Variants in WDR3 observed in about 807,000 individuals in gnomAD.
WDR3 encodes WD repeat domain 3, also known as WD repeat-containing protein 3.
A neutral mutation model predicts 123.7 loss-of-function variants in WDR3; 81 were observed. The observed-to-expected ratio is 0.65, with a 90% confidence interval of 0.55 to 0.79. The LOEUF is 0.79. Among genes scored for constraint, WDR3 ranks in the 30% least tolerant of loss-of-function variants. The pLI is 0.00. For missense variants in WDR3, 1,027 were observed against 1,123.2 expected (o/e 0.91, Z 1.22); for synonymous variants, 390 against 388.8 (o/e 1.00, Z -0.04).
At chr1:117,948,719 G>T (rs1456822524) in intron 13 of WDR3, among the ~76,000 whole-genome samples, 3 of 151,372 alleles carry the variant, frequency 2.0e-5, no homozygotes, top group African/African-American at 7.3e-5. Context: ...ACATCAAATT[G>T]CTTACCATCA....
At position 117,934,501 on chromosome 1, in the gene WDR3, A is replaced by G. The variant is rs749243439; in HGVS notation, c.200A>G (p.Glu67Gly). 1 of 1,614,122 alleles carries G rather than the reference A, an allele frequency of 6.2e-7. No homozygotes were observed. ...KILILQGLKQ[E>G]VTCLCPSPDG... ...CTTATCCTTCAGGGGCTTAAACAAG[A>G]AGTTACTTGCTTATGCCCCTCCCCA... Residue 67 changes from glutamate (E) to glycine (G), a missense_variant, in exon 3 of 27, where the codon GAA (glutamate) becomes GGA (glycine). Coordinates refer to ENST00000349139, the MANE Select transcript of WDR3 (RefSeq NM_006784.3).
At chr1:117,955,398 CA>C in intron 24 of WDR3, 40 bp downstream of exon 24, 2 of 1,592,024 alleles carry the variant, frequency 1.3e-6, no homozygotes, top group Non-Finnish European at 1.7e-6. Flanking sequence ...AATCTGTCAG[CA>C]AACATTTATG....
intron 24 of WDR3, among the ~76,000 whole-genome samples, chr1:117,956,791 A>G (rs1456966452): frequency 6.6e-6 from 1 of 152,230 alleles, no homozygotes; most frequent in Non-Finnish European, 1.5e-5. Flanking sequence ...AAGATGGAAT[A>G]TTCAACAAAA....
In WDR3 at chr1:117,958,978, C is replaced by T. The variant is rs1367330309; in HGVS notation, c.2651C>T (p.Thr884Ile). 15 of 1,613,830 alleles carry T rather than the reference C, an allele frequency of 9.3e-6. No homozygotes were observed. Among genetic ancestry groups the T allele is most frequent in the Non-Finnish European group, 1.3e-5 (15 of 1,179,880 alleles). Residue 884 changes from threonine to isoleucine, a missense_variant, in exon 26 of 27, where the codon ACT becomes ATT. Transcript: ENST00000349139. ...GTGATAGAAAAATTAAGGGAAACAA[C>T]TATTTCAAAAGTCAGCCAAGTCCGG... ...VPVIEKLRETTISKVSQVRDV... is the reference protein window; with the variant it reads ...VPVIEKLRETIISKVSQVRDV...
At chr1:117,936,971 G>C in intron 4 of WDR3, 84 bp downstream of exon 4, 3 of 1,124,240 alleles carry the variant, frequency 2.7e-6, no homozygotes, top group Non-Finnish European at 3.9e-6. Flanking sequence ...CTCATGAGCA[G>C]TGTGCTCATG....
chr1:117,929,914 G>A (rs1036358038), intron 1 of WDR3, 132 bp downstream of exon 1: 1 of 152,350 alleles, frequency 6.6e-6, no homozygotes, highest in African/African-American at 2.4e-5. Context: ...GCTAGGGCTG[G>A]GGGAACTCAG....
In WDR3 at chr1:117,959,571, T is replaced by C; in HGVS notation, c.*124T>C. 1 of 1,079,238 alleles carries C rather than the reference T, an allele frequency of 9.3e-7. No homozygotes were observed. Among genetic ancestry groups the C allele is most frequent in the Non-Finnish European group, 1.3e-6 (1 of 794,992 alleles). 66.9% of individuals were successfully genotyped at this position (1,079,238 alleles called of 1,614,324 possible). The stretch of plus-strand genomic sequence containing the variant: ...ACAGAAGATCGCATTGCAGATGATA[T>C]CAGGATGTGGTTTCCAGCTTTGCCT... On this transcript the variant is annotated 3_prime_UTR_variant, in exon 27 of 27. Coordinates refer to ENST00000349139, the MANE Select transcript of WDR3 (RefSeq NM_006784.3).
chr1:117,956,480 G>C (rs1652211713), intron 24 of WDR3, among the ~76,000 whole-genome samples: 1 of 152,144 alleles, frequency 6.6e-6, no homozygotes, highest in South Asian at 2.1e-4. Flanking sequence ...AAAGAAAATT[G>C]ATTAATGTGG....
chr1:117,963,815 T>TGAAGG lies in WDR3; in HGVS notation c.*4368_*4369insGAAGG. 6.2e-7 allele frequency: 1 copy of TGAAGG among 1,612,766 alleles called. No homozygotes were observed. The highest frequency in any genetic ancestry group is 8.5e-7 in the Non-Finnish European group (1 of 1,179,318). On this transcript the variant is annotated 3_prime_UTR_variant, in exon 27 of 27. Coordinates refer to ENST00000349139, the MANE Select transcript of WDR3 (RefSeq NM_006784.3). ...TTACTGTACCTAATGTGGAGAAACT[T>TGAAGG]TACGAGACATGAAGACTCCAAGTGT...
rs941253883 is a variant in WDR3, at chr1:117,943,805, A to G, written c.1328+179A>G. On this transcript the variant is annotated intron_variant, in intron 11 of 26. Transcript: ENST00000349139. ...AAAGTTGCCTTTTAAAATGTGGTGC[A>G]AAAAAAAAAAAAGGCAAGCTTATTC... 2.9e-5 allele frequency among the ~76,000 whole-genome samples: 4 copies of G among 137,786 alleles called. No homozygotes were observed. In the East Asian group the frequency reaches 8.8e-4, roughly 30 times the overall value. 90.4% of individuals were successfully genotyped at this position (137,786 alleles called of 152,430 possible).
At chr1:117,931,917 TTG>T (rs904769441) in intron 1 of WDR3, among the ~76,000 whole-genome samples, 1 of 152,192 alleles carries the variant, frequency 6.6e-6, no homozygotes, top group African/African-American at 2.4e-5. Context: ...TGAATTTTTT[TTG>T]TGTTAGACTA....
intron 5 of WDR3, among the ~76,000 whole-genome samples, chr1:117,939,241 G>A (rs571738962): frequency 6.6e-6 from 1 of 152,144 alleles, no homozygotes; most frequent in South Asian, 2.1e-4. Context: ...TTGATTATAC[G>A]AGGTTAGAGA....
intron 3 of WDR3, among the ~76,000 whole-genome samples, chr1:117,935,460 C>T (rs6680844): frequency 0.49 from 74,880 of 151,652 alleles, 18,705 homozygotes; most frequent in South Asian, 0.63. Context: ...AATGCAAGTA[C>T]CAATGCAAAA....
intron 17 of WDR3, 22 bp from the exon 18 acceptor site, chr1:117,952,275 T>C (rs1382593117): frequency 1.3e-6 from 2 of 1,588,180 alleles, no homozygotes; most frequent in Middle Eastern, 1.7e-4. Flanking sequence ...GATGACATTT[T>C]AATATTTCTG....
intron 12 of WDR3, among the ~76,000 whole-genome samples, chr1:117,948,009 C>G (rs1034317863): frequency 3.9e-5 from 6 of 152,146 alleles, no homozygotes; most frequent in Non-Finnish European, 5.9e-5. Context: ...AAGCCAATAA[C>G]TATAGAGGAT....
rs905466167 is a variant in WDR3 at position 117,946,010 on chromosome 1, G to A, written c.1329-76G>A. The A allele has an allele frequency of 6.4e-5, 71 of 1,113,990 alleles. No individual in the cohort carries two copies. The East Asian group carries it at 1.8e-3, about 28-fold the overall frequency. The allele number at this position is 1,113,990 out of a possible 1,614,324, so 69.0% of individuals were successfully genotyped here. Reference sequence around the variant, plus strand: ...TTATGTTGATCTGTCTAAGTGCATTGAAACCTACACACTGACCTCTAAAAT... The same window carrying A: ...TTATGTTGATCTGTCTAAGTGCATTAAAACCTACACACTGACCTCTAAAAT... On this transcript the variant is annotated intron_variant, in intron 11 of 26. Transcript: ENST00000349139.
At chr1:117,947,967 A>G (rs963198919) in intron 12 of WDR3, among the ~76,000 whole-genome samples, 19 of 152,218 alleles carry the variant, frequency 1.2e-4, no homozygotes, top group African/African-American at 4.1e-4. Context: ...AGAGGAGGAA[A>G]CCAAAAGCAG....
In WDR3 at chr1:117,959,595, C is replaced by T; in HGVS notation, c.*148C>T. The T allele has an allele frequency of 1.2e-6, 1 of 819,034 alleles. No individual in the cohort carries two copies. Among genetic ancestry groups the T allele is most frequent in the Non-Finnish European group, 1.7e-6 (1 of 571,944 alleles). 50.7% of individuals were successfully genotyped at this position (819,034 alleles called of 1,614,324 possible). On this transcript the variant is annotated 3_prime_UTR_variant, in exon 27 of 27. Transcript: ENST00000349139. Reference sequence around the variant, plus strand: ...ATCAGGATGTGGTTTCCAGCTTTGCCTGAGGGAATTCCAACATGAGATTAT... The same window carrying T: ...ATCAGGATGTGGTTTCCAGCTTTGCTTGAGGGAATTCCAACATGAGATTAT...
At position 117,936,884 on chromosome 1, in the gene WDR3, C is replaced by T. The variant is rs1360731648; in HGVS notation, c.497C>T (p.Thr166Ile). ...LFLREKNLLV[T>I]SGKDTMVKWW... ...CTACGAGAAAAGAACCTGCTAGTTA[C>T]TAGGTAAAGAAATAATGGTTTAATT... Residue 166 changes from threonine to isoleucine, a missense_variant, in exon 4 of 27, where the codon ACT becomes ATT. Coordinates refer to ENST00000349139, the MANE Select transcript of WDR3 (RefSeq NM_006784.3). 5.6e-6 allele frequency: 9 copies of T among 1,607,826 alleles called. No individual in the cohort carries two copies. Among genetic ancestry groups the T allele is most frequent in the East Asian group, 2.2e-5 (1 of 44,826 alleles).
Sources: gnomAD v4.1 joint callset for allele counts (sites outside exome capture counted in the v4.1 genomes callset) on GRCh38, gnomAD v4.1.1 for gene constraint, MANE v1.5 for transcripts, NCBI Gene and HGNC (gene_info 2026-07-23, HGNC 2026-07-21) for gene names.